The following FBLN1 variants were observed in gnomAD, a reference collection of about 807,000 sequenced individuals.
FBLN1 encodes fibulin 1, also known as fibulin-1.
A neutral mutation model predicts 89.7 loss-of-function variants in FBLN1; 34 were observed. That is an observed-to-expected ratio of 0.38 (90% CI 0.29 to 0.50). The LOEUF (loss-of-function observed/expected upper bound fraction) is 0.50. FBLN1 is among the 20% of genes least tolerant of loss of function. The pLI, the probability that FBLN1 is intolerant of heterozygous loss-of-function variation, is 0.92. For missense variants in FBLN1, 777 were observed against 988.1 expected (o/e 0.79, Z 2.86); for synonymous variants, 393 against 391.3 (o/e 1.00, Z -0.05).
rs1194479365 is a variant in FBLN1 at position 45,597,095 on chromosome 22, C to T, written c.1973-3212C>T. Reference sequence around the variant, plus strand: ...TGGCTCATTGCAACCTTGACCTTCCCGGGCTCAAACAATTCTGCCACCTCA... The same window carrying T: ...TGGCTCATTGCAACCTTGACCTTCCTGGGCTCAAACAATTCTGCCACCTCA... On this transcript the variant is annotated intron_variant, in intron 16 of 16. Coordinates refer to ENST00000327858, the MANE Select transcript of FBLN1 (RefSeq NM_006486.3). The surrounding 1 kb of genome is among the most constrained non-coding windows in gnomAD (Gnocchi z 4.2). Among the ~76,000 whole-genome samples the T allele has an allele frequency of 2.0e-5, 3 of 151,630 alleles. No individual in the cohort carries two copies. Among genetic ancestry groups the T allele is most frequent in the Admixed American group, 6.6e-5 (1 of 15,144 alleles).
chr22:45,525,474 C>T (rs1296565430), intron 2 of FBLN1, 69 bp from the exon 3 acceptor site: 2 of 1,451,386 alleles, frequency 1.4e-6, no homozygotes, highest in Non-Finnish European at 1.9e-6. Context: ...AGCACCCCCA[C>T]CCCCGAGGAT....
chr22:45,504,810 A>T (rs1309126574), intron 1 of FBLN1, among the ~76,000 whole-genome samples: 1 of 152,198 alleles, frequency 6.6e-6, no homozygotes, highest in Non-Finnish European at 1.5e-5. Flanking sequence ...GGGTTTAAAA[A>T]AGCCTCCTAA....
intron 2 of FBLN1, among the ~76,000 whole-genome samples, chr22:45,524,396 C>G (rs929400000): frequency 6.6e-6 from 1 of 152,244 alleles, no homozygotes; most frequent in Non-Finnish European, 1.5e-5. Flanking sequence ...CTAGCTGTCA[C>G]AGCCTCATGG....
intron 12 of FBLN1, among the ~76,000 whole-genome samples, chr22:45,548,276 C>A (rs776108879): frequency 2.0e-5 from 3 of 152,228 alleles, no homozygotes; most frequent in Non-Finnish European, 4.4e-5. Context: ...GTCTCGAACT[C>A]CTGGGCTCAA....
intron 3 of FBLN1, among the ~76,000 whole-genome samples, chr22:45,526,470 T>C (rs1196500150): frequency 1.3e-5 from 2 of 152,216 alleles, no homozygotes; most frequent in Non-Finnish European, 2.9e-5. Context: ...AACTTGGGCC[T>C]GGAGGAGCTC....
Position 45,508,297 on chromosome 22 carries a change from A to ATTTTT in FBLN1, c.79+5233_79+5234insTTTTT. On this transcript the variant is annotated intron_variant, in intron 1 of 16. Transcript: ENST00000327858. The stretch of plus-strand genomic sequence containing the variant: ...ACAGCCTCGCGTATCTTTTTTTTTG[A>ATTTTT]GACGGAGTCTTGCACTGTCTGGGGT... Among the ~76,000 whole-genome samples, 2 of 35,330 alleles carry ATTTTT rather than the reference A, an allele frequency of 5.7e-5. 1 individual carries two copies. Among genetic ancestry groups the ATTTTT allele is most frequent in the Non-Finnish European group, 1.3e-4 (2 of 15,962 alleles). 23.2% of individuals were successfully genotyped at this position (35,330 alleles called of 152,430 possible).
intron 2 of FBLN1, 84 bp downstream of exon 2, chr22:45,518,871 C>A (rs1156792163): frequency 2.4e-6 from 3 of 1,253,590 alleles, no homozygotes; most frequent in African/African-American, 3.0e-5. Flanking sequence ...GTGTGCCAGA[C>A]CTCTCGGGAG....
rs1244858223 is a variant in FBLN1 at position 45,588,580 on chromosome 22, C to T, written c.1972+11472C>T. Among the ~76,000 whole-genome samples, 1 of 152,056 alleles carries T rather than the reference C, an allele frequency of 6.6e-6. No homozygotes were observed. Among genetic ancestry groups the T allele is most frequent in the Non-Finnish European group, 1.5e-5 (1 of 68,008 alleles). ...CCCCCAGCAGTTGCCCATAACTGGCCGCAGGATCCCACACACCTGCTGACT... is the reference window on the plus strand; with the variant it reads ...CCCCCAGCAGTTGCCCATAACTGGCTGCAGGATCCCACACACCTGCTGACT... On this transcript the variant is annotated intron_variant, in intron 16 of 16. Coordinates refer to ENST00000327858, the MANE Select transcript of FBLN1 (RefSeq NM_006486.3). The surrounding 1 kb of genome is among the most constrained non-coding windows in gnomAD (Gnocchi z 5.1).
chr22:45,569,505 G>A (rs1476598090), intron 14 of FBLN1, among the ~76,000 whole-genome samples: 1 of 152,150 alleles, frequency 6.6e-6, no homozygotes, highest in Non-Finnish European at 1.5e-5. Context: ...CGGGTGTGGT[G>A]GCATGTGCCT....
In FBLN1 at chr22:45,562,764, TGAGGTGTGC is replaced by T; in HGVS notation, c.1698-11746_1698-11738del. The T allele has an allele frequency of 1.3e-6, 1 of 798,084 alleles. No individual in the cohort carries two copies. Among genetic ancestry groups the T allele is most frequent in the East Asian group, 2.4e-5 (1 of 41,176 alleles). The allele number at this position is 798,084 out of a possible 1,614,324, so 49.4% of individuals were successfully genotyped here. Reference sequence around the variant, plus strand: ...GTCCACGGCGCCTCCCGCAGGTGAGTGAGGTGTGCCCTTCGTGTTGGCTGAATCGGCCAG... The same window carrying T: ...GTCCACGGCGCCTCCCGCAGGTGAGTCCTTCGTGTTGGCTGAATCGGCCAG... On this transcript the variant is annotated intron_variant, in intron 14 of 16. Transcript: ENST00000327858. This position sits in a 1 kb window ranked among gnomAD's most constrained non-coding sequence, Gnocchi z 7.8.
chr22:45,512,108 G>A lies in FBLN1; in HGVS notation c.80-6574G>A, dbSNP rs906217032. ...AGCGAGTGCCTGTTCTGCTTGGGTG[G>A]GTGTCCAGTGTGGTACTGGTCAGAG... On this transcript the variant is annotated intron_variant, in intron 1 of 16. Coordinates refer to ENST00000327858, the MANE Select transcript of FBLN1 (RefSeq NM_006486.3). Among the ~76,000 whole-genome samples the A allele has an allele frequency of 4.0e-5, 6 of 151,708 alleles. No individual in the cohort carries two copies. The East Asian group carries it at 1.2e-3, about 30-fold the overall frequency.
At chr22:45,508,916 C>G (rs2088061600) in intron 1 of FBLN1, among the ~76,000 whole-genome samples, 1 of 152,192 alleles carries the variant, frequency 6.6e-6, no homozygotes, top group African/African-American at 2.4e-5. Context: ...CTGGGAAGCT[C>G]AGAGTACAAA....
At chr22:45,547,716 A>G (rs1442942910) in intron 12 of FBLN1, among the ~76,000 whole-genome samples, 1 of 151,942 alleles carries the variant, frequency 6.6e-6, no homozygotes, top group African/African-American at 2.4e-5. Context: ...TGAAATTCTA[A>G]TATACTTTTC....
At chr22:45,558,019 A>G (rs1285796619) in intron 14 of FBLN1, 4 of 714,224 alleles carry the variant, frequency 5.6e-6, no homozygotes, top group African/African-American at 5.2e-5. Context: ...GTGCCTGCAT[A>G]TCGTGCAGAA....
At chr22:45,551,171 T>C in intron 14 of FBLN1, 1 of 192,980 alleles carries the variant, frequency 5.2e-6, no homozygotes, top group Non-Finnish European at 1.1e-5. Context: ...GCTCACTCAC[T>C]CCTAGGCCAT....
intron 9 of FBLN1, 95 bp downstream of exon 9, chr22:45,541,467 C>T: frequency 6.7e-7 from 1 of 1,497,208 alleles, no homozygotes; most frequent in South Asian, 1.2e-5. Flanking sequence ...ATCCCCAAAG[C>T]AAAGCCATTT....
In FBLN1 at chr22:45,600,493, T is replaced by C. The variant is rs373344203; in HGVS notation, c.*47T>C. The C allele has an allele frequency of 1.2e-6, 2 of 1,611,526 alleles. No individual in the cohort carries two copies. The highest frequency in any genetic ancestry group is 1.7e-6 in the Non-Finnish European group (2 of 1,177,714). On this transcript the variant is annotated 3_prime_UTR_variant, in exon 17 of 17. Coordinates refer to ENST00000327858, the MANE Select transcript of FBLN1 (RefSeq NM_006486.3). ...GCAGGTGCACCTCCAGGCCAAATCA[T>C]TGCTGCCAGTGACTGTGGTCTGTAC...
intron 14 of FBLN1, chr22:45,565,255 C>A (rs1427570143): frequency 2.2e-6 from 3 of 1,376,770 alleles, no homozygotes; most frequent in Non-Finnish European, 2.9e-6. Flanking sequence ...TTGTCTTTTC[C>A]CAGCAGATGA....
chr22:45,557,338 T>C lies in FBLN1; in HGVS notation c.1697+6723T>C, dbSNP rs2088801453. On this transcript the variant is annotated intron_variant, in intron 14 of 16. Coordinates refer to ENST00000327858, the MANE Select transcript of FBLN1 (RefSeq NM_006486.3). The surrounding 1 kb of genome is among the most constrained non-coding windows in gnomAD (Gnocchi z 4.9). ...GTGTCTATTCCGGTGAGGACAAACC[T>C]CTGCCATTTCCATGATGGAAGAGGT... is the stretch of plus-strand genomic sequence containing the variant. Among the ~76,000 whole-genome samples, 1 of 152,176 alleles carries C rather than the reference T, an allele frequency of 6.6e-6. No individual in the cohort carries two copies. Among genetic ancestry groups the C allele is most frequent in the South Asian group, 2.1e-4 (1 of 4,824 alleles).
Sources: allele counts gnomAD v4.1 joint callset (sites outside exome capture counted in the v4.1 genomes callset), GRCh38; gene constraint gnomAD v4.1.1; non-coding constraint Gnocchi (gnomAD v3.1); transcripts MANE v1.5; gene names NCBI Gene and HGNC (gene_info 2026-07-23, HGNC 2026-07-21).